STK32B: variants seen among roughly 807,000 people sequenced by gnomAD.
The protein encoded by STK32B is serine/threonine-protein kinase 32B.
STK32B carries 43 observed loss-of-function variants against 52.6 expected under a neutral mutation model. The ratio of observed to expected loss-of-function variants is 0.82; its 90% CI spans 0.64 to 1.05. The LOEUF is 1.05. Ranked by LOEUF, STK32B falls within the 50% of genes least tolerant of loss-of-function variation. The pLI is 0.00. For missense variants in STK32B, 621 were observed against 534.6 expected (o/e 1.16, Z -1.59); for synonymous variants, 238 against 204.3 (o/e 1.17, Z -1.41).
chr4:5,039,925 A>G, the STK32B span, among the ~76,000 whole-genome samples: 28 of 152,242 alleles, frequency 1.8e-4, no homozygotes, highest in Non-Finnish European at 3.8e-4. Context: ...TTAACAGTCC[A>G]GAGGCAGTAG....
chr4:5,340,891 CATTT>C (rs1010788948), intron 4 of STK32B, among the ~76,000 whole-genome samples: 7 of 152,126 alleles, frequency 4.6e-5, no homozygotes, highest in African/African-American at 1.7e-4. Context: ...ACAAATATCT[CATTT>C]AATCCTCACA....
intron 5 of STK32B, among the ~76,000 whole-genome samples, chr4:5,403,103 CT>C (rs1737420649): frequency 6.6e-6 from 1 of 152,190 alleles, no homozygotes; most frequent in African/African-American, 2.4e-5. Flanking sequence ...CCTCTGGAGC[CT>C]TGCTAAGCTG....
intron 3 of STK32B, among the ~76,000 whole-genome samples, chr4:5,283,228 T>C (rs1374044123): frequency 1.3e-5 from 2 of 152,150 alleles, no homozygotes; most frequent in East Asian, 1.9e-4. Flanking sequence ...GAGTCATTAA[T>C]GTTGTCACAA....
intron 3 of STK32B, among the ~76,000 whole-genome samples, chr4:5,177,767 A>G (rs1720034850): frequency 6.6e-6 from 1 of 152,256 alleles, no homozygotes; most frequent in African/African-American, 2.4e-5. Context: ...TCCAAAATCC[A>G]ACAGGGCAGT....
At chr4:5,377,555 C>A (rs572408840) in intron 4 of STK32B, among the ~76,000 whole-genome samples, 167 of 152,276 alleles carry the variant, frequency 1.1e-3, no homozygotes, top group Middle Eastern at 0.01. Flanking sequence ...AAAAGATATC[C>A]AGTGATATGG....
the STK32B span, among the ~76,000 whole-genome samples, chr4:5,039,635 T>C: frequency 3.9e-5 from 6 of 152,252 alleles, no homozygotes; most frequent in Non-Finnish European, 7.3e-5. Context: ...ACTTTTAACA[T>C]AGTCATTTAT....
At chr4:5,496,972 G>C (rs899676546) in intron 11 of STK32B, among the ~76,000 whole-genome samples, 1 of 152,168 alleles carries the variant, frequency 6.6e-6, no homozygotes, top group Non-Finnish European at 1.5e-5. Flanking sequence ...TTGTGAGGAT[G>C]GGGAGAGCTC....
rs146732322 is a variant in STK32B, at chr4:5,430,475, G to A, written c.562+13541G>A. Among the ~76,000 whole-genome samples the A allele has an allele frequency of 4.1e-3, 618 of 152,226 alleles. 1 individual carries two copies. The highest frequency in any genetic ancestry group is 0.014 in the African/African-American group (572 of 41,536). On this transcript the variant is annotated intron_variant, in intron 6 of 11. Coordinates refer to ENST00000282908, the MANE Select transcript of STK32B (RefSeq NM_018401.3). ...CCCCGTCTGTTAACGCATGCTGTCC[G>A]CCTTTCCACTAAAGCCTTTGAAATG... is the stretch of plus-strand genomic sequence containing the variant.
chr4:5,113,840 A>G (rs1287634993), intron 1 of STK32B, among the ~76,000 whole-genome samples: 1 of 152,174 alleles, frequency 6.6e-6, no homozygotes, highest in Non-Finnish European at 1.5e-5. Flanking sequence ...AGGCCTCACA[A>G]TCATGGTGGA....
intron 1 of STK32B, among the ~76,000 whole-genome samples, chr4:5,088,702 C>G (rs1357223327): frequency 1.3e-5 from 2 of 151,756 alleles, no homozygotes; most frequent in Non-Finnish European, 2.9e-5. Flanking sequence ...CAGCCTGTAT[C>G]AAGACATCTC....
chr4:5,239,372 G>T (rs1724848783), intron 3 of STK32B, among the ~76,000 whole-genome samples: 1 of 152,156 alleles, frequency 6.6e-6, no homozygotes, highest in African/African-American at 2.4e-5. Flanking sequence ...TTGGAGGCAG[G>T]CAGGAGGTCG....
intron 2 of STK32B, among the ~76,000 whole-genome samples, chr4:5,166,215 T>C (rs1372952753): frequency 6.6e-6 from 1 of 151,946 alleles, no homozygotes; most frequent in Non-Finnish European, 1.5e-5. Context: ...TGCCGGCGTG[T>C]CCCATTTCTC....
At chr4:5,446,420 G>T (rs1023598985) in intron 6 of STK32B, among the ~76,000 whole-genome samples, 1 of 152,062 alleles carries the variant, frequency 6.6e-6, no homozygotes, top group African/African-American at 2.4e-5. Flanking sequence ...ATCACAATTA[G>T]CCAGGCATGG....
At chr4:5,163,583 A>G (rs867081796) in intron 2 of STK32B, among the ~76,000 whole-genome samples, 1 of 99,254 alleles carries the variant, frequency 1.0e-5, no homozygotes, top group African/African-American at 3.4e-5. Context: ...TGTGTGTGTA[A>G]GAGAGAGAGA....
chr4:5,067,797 C>T (rs1420904821), intron 1 of STK32B, among the ~76,000 whole-genome samples: 2 of 151,962 alleles, frequency 1.3e-5, no homozygotes, highest in East Asian at 3.9e-4. Flanking sequence ...TCTAGAGAGG[C>T]CTCAGGAAAC....
At position 5,461,007 on chromosome 4, in the gene STK32B, T is replaced by C. The variant is rs1048375602; in HGVS notation, c.909+779T>C. Among the ~76,000 whole-genome samples the C allele has an allele frequency of 1.3e-4, 20 of 152,166 alleles. 1 individual carries two copies. In the East Asian group the frequency reaches 3.9e-3, roughly 29 times the overall value. ...GCAGGAGCTGGAGGCTCCTGGGTCCTCCAGGACAGACGCTGAAAGTTTGGA... is the reference window on the plus strand; with the variant it reads ...GCAGGAGCTGGAGGCTCCTGGGTCCCCCAGGACAGACGCTGAAAGTTTGGA... On this transcript the variant is annotated intron_variant, in intron 9 of 11. Coordinates refer to ENST00000282908, the MANE Select transcript of STK32B (RefSeq NM_018401.3).
chr4:5,185,854 G>A (rs1301447090), intron 3 of STK32B, among the ~76,000 whole-genome samples: 2 of 152,154 alleles, frequency 1.3e-5, no homozygotes, highest in Non-Finnish European at 2.9e-5. Context: ...GTAACACTAT[G>A]TACAGTCTCA....
In STK32B at chr4:5,327,670, G is replaced by C. The variant is rs577759872; in HGVS notation, c.261-3550G>C. The stretch of plus-strand genomic sequence containing the variant: ...TTTTTTATTCCACTTATAGAACACA[G>C]GCAATAGATTTAGCATAATTCTTAA... On this transcript the variant is annotated intron_variant, in intron 3 of 11. Coordinates refer to ENST00000282908, the MANE Select transcript of STK32B (RefSeq NM_018401.3). Among the ~76,000 whole-genome samples the C allele has an allele frequency of 1.0e-3, 154 of 152,130 alleles. 1 individual carries two copies. Among genetic ancestry groups the C allele is most frequent in the African/African-American group, 3.6e-3 (149 of 41,502 alleles).
intron 3 of STK32B, among the ~76,000 whole-genome samples, chr4:5,322,118 G>T (rs1731543541): frequency 1.3e-5 from 2 of 152,060 alleles, no homozygotes; most frequent in African/African-American, 4.8e-5. Flanking sequence ...AGGATTGGTT[G>T]AGGACAGGAG....
Sources: allele counts gnomAD v4.1 joint callset (sites outside exome capture counted in the v4.1 genomes callset), GRCh38; gene constraint gnomAD v4.1.1; transcripts MANE v1.5; gene names NCBI Gene and HGNC (gene_info 2026-07-23, HGNC 2026-07-21).